NLGN1: variants seen among roughly 807,000 people sequenced by gnomAD.
NLGN1 encodes the protein neuroligin 1, also known as neuroligin-1.
NLGN1 carries 12 observed loss-of-function variants against 65.5 expected under a neutral mutation model. The ratio of observed to expected loss-of-function variants is 0.18; its 90% CI spans 0.12 to 0.30. The LOEUF is 0.30. Among genes scored for constraint, NLGN1 ranks in the 10% least tolerant of loss-of-function variants. The pLI is 1.00. For missense variants in NLGN1, 750 were observed against 1,007.1 expected, an observed-to-expected ratio of 0.74 and a Z score of 3.46; for synonymous variants, 350 against 359.5, an observed-to-expected ratio of 0.97 and a Z score of 0.30.
chr3:173,630,761 A>G (rs1334665220), intron 3 of NLGN1, among the ~76,000 whole-genome samples: 1 of 152,142 alleles, frequency 6.6e-6, no homozygotes, highest in African/African-American at 2.4e-5. Context: ...AATACAGAAC[A>G]ATATTCTTCT....
At chr3:173,884,831 T>G (rs1734027108) in intron 4 of NLGN1, among the ~76,000 whole-genome samples, 1 of 152,112 alleles carries the variant, frequency 6.6e-6, no homozygotes, top group Non-Finnish European at 1.5e-5. Flanking sequence ...AAGGTTAAGG[T>G]GCCGACAGGT....
At chr3:173,950,166 TTAAAC>T (rs1747929117) in intron 4 of NLGN1, among the ~76,000 whole-genome samples, 1 of 152,178 alleles carries the variant, frequency 6.6e-6, no homozygotes. Flanking sequence ...TACTAAAACT[TTAAAC>T]TATTGAACAA....
At position 174,098,776 on chromosome 3, in the gene NLGN1, C is replaced by T. The variant is rs1331810746; in HGVS notation, c.647-176539C>T. 2.0e-5 allele frequency among the ~76,000 whole-genome samples: 3 copies of T among 152,000 alleles called. No homozygotes were observed. The East Asian group carries it at 5.8e-4, about 29-fold the overall frequency. On this transcript the variant is annotated intron_variant, in intron 4 of 6. Transcript: ENST00000457714. ...ACACCTTGAGTAACAAGAGTATAAT[C>T]GATTAAACTACTAGTAGATAAACTC...
intron 2 of NLGN1, among the ~76,000 whole-genome samples, chr3:173,554,367 G>T (rs1741381068): frequency 6.6e-6 from 1 of 152,160 alleles, no homozygotes; most frequent in Non-Finnish European, 1.5e-5. Context: ...GTAAGAGAGA[G>T]AATCCAGTGT....
intron 4 of NLGN1, among the ~76,000 whole-genome samples, chr3:173,882,263 T>C (rs1455027991): frequency 6.6e-6 from 1 of 152,208 alleles, no homozygotes; most frequent in Non-Finnish European, 1.5e-5. Context: ...TTTTCATGAT[T>C]CTTAAGGGCC....
intron 4 of NLGN1, among the ~76,000 whole-genome samples, chr3:174,225,648 G>A (rs902961009): frequency 3.3e-5 from 5 of 151,966 alleles, no homozygotes; most frequent in Admixed American, 6.5e-5. Flanking sequence ...GGAGAATGGC[G>A]TGAGCCCGGG....
At chr3:174,063,785 G>A (rs1737901386) in intron 4 of NLGN1, among the ~76,000 whole-genome samples, 1 of 152,048 alleles carries the variant, frequency 6.6e-6, no homozygotes, top group Non-Finnish European at 1.5e-5. Context: ...AACATTTGTA[G>A]GCATGTATTG....
chr3:173,714,559 C>A (rs1459754160), intron 3 of NLGN1, among the ~76,000 whole-genome samples: 1 of 152,192 alleles, frequency 6.6e-6, no homozygotes, highest in African/African-American at 2.4e-5. Context: ...CCTGAAGCTG[C>A]TAGAGGTACA....
At chr3:174,232,721 A>C (rs1335856108) in intron 4 of NLGN1, among the ~76,000 whole-genome samples, 2 of 152,188 alleles carry the variant, frequency 1.3e-5, no homozygotes, top group African/African-American at 4.8e-5. Flanking sequence ...GTTTAATGGC[A>C]AGACAGATTA....
intron 4 of NLGN1, among the ~76,000 whole-genome samples, chr3:174,148,775 T>G (rs1723808028): frequency 6.6e-6 from 1 of 152,168 alleles, no homozygotes; most frequent in Admixed American, 6.6e-5. Flanking sequence ...CATCAAATGT[T>G]TACTTAGCAT....
chr3:174,147,202 G>T (rs370947322), intron 4 of NLGN1, among the ~76,000 whole-genome samples: 8 of 151,920 alleles, frequency 5.3e-5, no homozygotes, highest in African/African-American at 1.9e-4. Flanking sequence ...GGTGAACTAG[G>T]GTTTGTGTAA....
intron 3 of NLGN1, among the ~76,000 whole-genome samples, chr3:173,767,557 G>A (rs1162023195): frequency 6.6e-6 from 1 of 151,930 alleles, no homozygotes; most frequent in East Asian, 1.9e-4. Context: ...TATCCAGAAA[G>A]TTTAAGATAC....
At chr3:174,032,974 T>G (rs1730329184) in intron 4 of NLGN1, among the ~76,000 whole-genome samples, 1 of 143,996 alleles carries the variant, frequency 6.9e-6, no homozygotes, top group African/African-American at 2.7e-5. Flanking sequence ...TATATATATT[T>G]AGGTCATATA....
intron 4 of NLGN1, among the ~76,000 whole-genome samples, chr3:174,036,935 TC>T (rs913532748): frequency 6.6e-6 from 1 of 152,180 alleles, no homozygotes; most frequent in African/African-American, 2.4e-5. Context: ...CATGATGACA[TC>T]CTTTTTTATG....
intron 2 of NLGN1, among the ~76,000 whole-genome samples, chr3:173,441,635 G>T (rs967312744): frequency 6.6e-6 from 1 of 152,128 alleles, no homozygotes; most frequent in African/African-American, 2.4e-5. Context: ...TGTGGATGGG[G>T]TTTCCAACAC....
chr3:173,427,772 T>G (rs1236351665), intron 1 of NLGN1, among the ~76,000 whole-genome samples: 1 of 151,824 alleles, frequency 6.6e-6, no homozygotes, highest in African/African-American at 2.4e-5. Flanking sequence ...CTGATGAAAA[T>G]AATATGTATT....
At chr3:173,929,215 CT>C (rs1414407578) in intron 4 of NLGN1, among the ~76,000 whole-genome samples, 1 of 152,122 alleles carries the variant, frequency 6.6e-6, no homozygotes, top group Admixed American at 6.6e-5. Flanking sequence ...CAAAGCGCTC[CT>C]TGCCTAATTC....
chr3:173,900,666 A>T (rs528140175), intron 4 of NLGN1, among the ~76,000 whole-genome samples: 7 of 152,174 alleles, frequency 4.6e-5, no homozygotes, highest in Non-Finnish European at 8.8e-5. Context: ...CTATTCAAAA[A>T]TCAAATGGCT....
chr3:173,573,779 A>G (rs1370958756), intron 2 of NLGN1, among the ~76,000 whole-genome samples: 1 of 151,672 alleles, frequency 6.6e-6, no homozygotes, highest in African/African-American at 2.4e-5. Flanking sequence ...AAAAAGATGA[A>G]AAGGCCGGGC....
Sources: allele counts gnomAD v4.1 joint callset (sites outside exome capture counted in the v4.1 genomes callset), GRCh38; gene constraint gnomAD v4.1.1; transcripts MANE v1.5; gene names NCBI Gene and HGNC (gene_info 2026-07-23, HGNC 2026-07-21).